The following ST6GAL2 variants were observed in gnomAD, a reference collection of about 807,000 sequenced individuals.
ST6GAL2 encodes the protein beta-galactoside alpha-2,6-sialyltransferase 2.
In ST6GAL2, 24 loss-of-function variants were observed where a neutral mutation model predicts 37.5. The ratio of observed to expected loss-of-function variants is 0.64; its 90% CI spans 0.46 to 0.90. The LOEUF (loss-of-function observed/expected upper bound fraction) is 0.90. Ranked by LOEUF, ST6GAL2 falls within the 40% of genes least tolerant of loss-of-function variation. The pLI is 0.00. For missense variants in ST6GAL2, 715 were observed against 712.7 expected, an observed-to-expected ratio of 1.00 and a Z score of -0.04; for synonymous variants, 306 against 295.1, an observed-to-expected ratio of 1.04 and a Z score of -0.38.
intron 1 of ST6GAL2, among the ~76,000 whole-genome samples, chr2:106,880,832 G>A (rs1425579606): frequency 6.6e-6 from 1 of 152,132 alleles, no homozygotes; most frequent in Non-Finnish European, 1.5e-5. Flanking sequence ...CCTAATTCAA[G>A]TTCCCACTCC....
At chr2:106,844,104 C>T in intron 1 of ST6GAL2, 70 bp from the exon 2 acceptor site, 1 of 719,736 alleles carries the variant, frequency 1.4e-6, no homozygotes, top group Admixed American at 2.9e-5. Flanking sequence ...GACATTCTAT[C>T]TTGAGCAGTG....
At chr2:106,872,391 G>C (rs549196937) in intron 1 of ST6GAL2, among the ~76,000 whole-genome samples, 156 of 152,294 alleles carry the variant, frequency 1.0e-3, no homozygotes, top group Non-Finnish European at 3.2e-4. Context: ...GACACAGTCA[G>C]AATAACAACC....
chr2:106,815,746 A>AT (rs1390848241), intron 5 of ST6GAL2, among the ~76,000 whole-genome samples: 4 of 152,368 alleles, frequency 2.6e-5, no homozygotes, highest in African/African-American at 9.6e-5. Context: ...TCAAGGTCAT[A>AT]TAGCTACTCA....
At chr2:106,834,727 G>A (rs1346148979) in intron 2 of ST6GAL2, 1 of 152,568 alleles carries the variant, frequency 6.6e-6, no homozygotes, top group African/African-American at 2.4e-5. Flanking sequence ...CTGTGTGAGA[G>A]CAACCTTAAG....
chr2:106,872,481 G>A (rs1229253594), intron 1 of ST6GAL2, among the ~76,000 whole-genome samples: 1 of 152,218 alleles, frequency 6.6e-6, no homozygotes, highest in Non-Finnish European at 1.5e-5. Context: ...TTCCATGGAT[G>A]TGAGGACATC....
rs578067045 is a variant in ST6GAL2 at position 106,848,073 on chromosome 2, C to G, written c.-57-4039G>C. On this transcript the variant is annotated intron_variant, in intron 1 of 5. Transcript: ENST00000409382. The stretch of plus-strand genomic sequence containing the variant: ...TTTTTTTTTTTTTGAGACAGAGTCT[C>G]GCTCTGTTGCCCAGGCTGCAGTGTG... 2.0e-5 allele frequency among the ~76,000 whole-genome samples: 3 copies of G among 147,604 alleles called. No homozygotes were observed. In the South Asian group the frequency reaches 6.4e-4, roughly 31 times the overall value.
intron 1 of ST6GAL2, among the ~76,000 whole-genome samples, chr2:106,854,276 T>TA (rs1677484519): frequency 1.3e-5 from 2 of 152,226 alleles, no homozygotes; most frequent in African/African-American, 4.8e-5. Context: ...GGCACCTGCA[T>TA]AATTTTGGAT....
At chr2:106,884,906 C>CATATATATATATATATAT (rs772381082) in intron 1 of ST6GAL2, among the ~76,000 whole-genome samples, 79 of 76,442 alleles carry the variant, frequency 1.0e-3, no homozygotes, top group East Asian at 1.6e-3. Flanking sequence ...ATTTGCAGCG[C>CATATATATATATATATAT]ATATATATAT....
intron 1 of ST6GAL2, among the ~76,000 whole-genome samples, chr2:106,851,386 T>C (rs952039953): frequency 2.0e-5 from 3 of 152,210 alleles, no homozygotes; most frequent in African/African-American, 4.8e-5. Flanking sequence ...ATAGTTAAAG[T>C]AGCACAAAAG....
intron 1 of ST6GAL2, among the ~76,000 whole-genome samples, chr2:106,856,779 T>C (rs1193390888): frequency 6.6e-6 from 1 of 152,188 alleles, no homozygotes; most frequent in Non-Finnish European, 1.5e-5. Flanking sequence ...TGACATCTGC[T>C]CTCATCACCT....
chr2:106,848,251 T>C (rs1677225210), intron 1 of ST6GAL2, among the ~76,000 whole-genome samples: 1 of 152,094 alleles, frequency 6.6e-6, no homozygotes, highest in Non-Finnish European at 1.5e-5. Flanking sequence ...GTGAGTTCCC[T>C]CATTAGCAGA....
At chr2:106,835,096 A>C (rs1428889916) in intron 2 of ST6GAL2, 2 of 152,224 alleles carry the variant, frequency 1.3e-5, no homozygotes, top group Non-Finnish European at 2.9e-5. Flanking sequence ...GCAGCCTATA[A>C]ACATACATGC....
chr2:106,831,186 A>G (rs772337275), intron 4 of ST6GAL2, among the ~76,000 whole-genome samples: 2 of 152,220 alleles, frequency 1.3e-5, no homozygotes, highest in African/African-American at 2.4e-5. Flanking sequence ...TCTTTCATAA[A>G]TGAAGCCCCA....
chr2:106,822,636 G>GA (rs754852026), intron 5 of ST6GAL2, among the ~76,000 whole-genome samples: 2 of 151,586 alleles, frequency 1.3e-5, no homozygotes, highest in African/African-American at 4.8e-5. Context: ...CACAGAAACA[G>GA]AAAAAAAATC....
intron 2 of ST6GAL2, among the ~76,000 whole-genome samples, chr2:106,841,913 C>T (rs1287391584): frequency 6.6e-6 from 1 of 152,176 alleles, no homozygotes; most frequent in Admixed American, 6.5e-5. Context: ...TTGGCTAGGC[C>T]ACAGTGCCCA....
intron 1 of ST6GAL2, among the ~76,000 whole-genome samples, chr2:106,869,867 C>A (rs933872542): frequency 6.6e-6 from 1 of 152,204 alleles, no homozygotes; most frequent in Non-Finnish European, 1.5e-5. Flanking sequence ...TGACACCAAG[C>A]AGGACTGAAC....
At chr2:106,833,913 G>T in intron 3 of ST6GAL2, 136 bp downstream of exon 3, 2 of 539,262 alleles carry the variant, frequency 3.7e-6, no homozygotes, top group Non-Finnish European at 6.5e-6. Flanking sequence ...TTATAAGATT[G>T]ATAGAAATAA....
rs1425070594 is a variant in ST6GAL2, at chr2:106,884,934, T to TATATATATATATATACACAC, written c.-58+1158_-58+1159insGTGTGTATATATATATATAT. Among the ~76,000 whole-genome samples, 20 of 120,466 alleles carry TATATATATATATATACACAC rather than the reference T, an allele frequency of 1.7e-4. 1 individual carries two copies. Among genetic ancestry groups the TATATATATATATATACACAC allele is most frequent in the African/African-American group, 5.3e-4 (15 of 28,124 alleles). The allele number at this position is 120,466 out of a possible 152,430, so 79.0% of individuals were successfully genotyped here. Reference sequence around the variant, plus strand: ...ATATATATATATATATATATATATATACATACACACACACACATATATACA... The same window carrying TATATATATATATATACACAC: ...ATATATATATATATATATATATATATATATATATATATATACACACACATACACACACACACATATATACA... On this transcript the variant is annotated intron_variant, in intron 1 of 5. Transcript: ENST00000409382.
intron 1 of ST6GAL2, among the ~76,000 whole-genome samples, chr2:106,870,855 A>C (rs1678233537): frequency 6.6e-6 from 1 of 152,256 alleles, no homozygotes; most frequent in Admixed American, 6.5e-5. Flanking sequence ...AGCACGGCTC[A>C]TAAGGAAAAT....
Sources: gnomAD v4.1 joint callset for allele counts (sites outside exome capture counted in the v4.1 genomes callset) on GRCh38, gnomAD v4.1.1 for gene constraint, MANE v1.5 for transcripts, NCBI Gene and HGNC (gene_info 2026-07-23, HGNC 2026-07-21) for gene names.